USP42: variants seen among roughly 807,000 people sequenced by gnomAD.
USP42 encodes ubiquitin carboxyl-terminal hydrolase 42.
USP42 carries 23 observed loss-of-function variants against 113.0 expected under a neutral mutation model. That is an observed-to-expected ratio of 0.20 (90% CI 0.15 to 0.29). The LOEUF is 0.29. Ranked by LOEUF, USP42 falls within the 10% of genes least tolerant of loss-of-function variation. USP42 has a pLI of 1.00. For synonymous variants in USP42, 933 were observed against 699.0 expected (o/e 1.33, Z -5.28); for missense variants, 2,174 against 1,779.8 (o/e 1.22, Z -3.99).
the USP42 span, among the ~76,000 whole-genome samples, chr7:6,099,166 A>C: frequency 6.9e-6 from 1 of 144,880 alleles, no homozygotes; most frequent in East Asian, 2.0e-4. Flanking sequence ...TGGCTTTCTC[A>C]CTTTATATTA....
rs565149228 is a variant in USP42, at chr7:6,122,431, A to G, written c.442+6908A>G. ...TTCCCAAGTAGCTGAGACTACAGAC[A>G]TGCACCACCATGCCTTTTGTTTTGT... On this transcript the variant is annotated intron_variant, in intron 3 of 17. Coordinates refer to ENST00000306177, the MANE Select transcript of USP42 (RefSeq NM_032172.3). Among the ~76,000 whole-genome samples the G allele has an allele frequency of 1.1e-4, 17 of 151,974 alleles. No homozygotes were observed. The South Asian group carries it at 2.1e-3, about 19-fold the overall frequency.
At chr7:6,146,987 G>T (rs1333455775) in intron 11 of USP42, among the ~76,000 whole-genome samples, 2 of 152,250 alleles carry the variant, frequency 1.3e-5, no homozygotes, top group Admixed American at 6.5e-5. Flanking sequence ...GCTCTGTCCT[G>T]TTGTGGCTGC....
upstream of USP42, among the ~76,000 whole-genome samples, chr7:6,104,694 C>T (rs1779154890): frequency 6.6e-6 from 1 of 152,214 alleles, no homozygotes; most frequent in African/African-American, 2.4e-5. Context: ...CCCAGCCAAT[C>T]AGCGCGCTCC....
rs1167895818 is a variant in USP42, at chr7:6,138,975, AAAGT to A, written c.554-111_554-108del. On this transcript the variant is annotated intron_variant, in intron 4 of 17. Transcript: ENST00000306177. ...GCTTATGTTAGTGCTATTTCCTCAT[AAAGT>A]AAGTATTTGGGAGTTTTCCAACCAA... 6 of 640,840 alleles carry A rather than the reference AAAGT, an allele frequency of 9.4e-6. No individual in the cohort carries two copies. In the African/African-American group the frequency reaches 1.1e-4, roughly 12 times the overall value. 39.7% of individuals were successfully genotyped at this position (640,840 alleles called of 1,614,324 possible).
Position 6,139,488 on chromosome 7 carries a change from A to C in USP42, c.656+294A>C. 1 of 261,570 alleles carries C rather than the reference A, an allele frequency of 3.8e-6. No individual in the cohort carries two copies. Among genetic ancestry groups the C allele is most frequent in the Non-Finnish European group, 7.2e-6 (1 of 138,990 alleles). The allele number at this position is 261,570 out of a possible 1,614,324, so 16.2% of individuals were successfully genotyped here. A position where few individuals can be genotyped will look rare whatever the true frequency, so the allele number is the denominator to read the frequency against. On this transcript the variant is annotated intron_variant, in intron 5 of 17. Coordinates refer to ENST00000306177, the MANE Select transcript of USP42 (RefSeq NM_032172.3). The surrounding 1 kb of genome is among the most constrained non-coding windows in gnomAD (Gnocchi z 4.5). ...TATCAGCAGACGTCTGCAGATCTCA[A>C]ACTAGCTGCTTCTCCTTTCTAGTTG...
chr7:6,113,308 A>C (rs1462237528), intron 2 of USP42, among the ~76,000 whole-genome samples: 1 of 152,132 alleles, frequency 6.6e-6, no homozygotes, highest in African/African-American at 2.4e-5. Flanking sequence ...AATGTTGCAC[A>C]TGGAGGTGGA....
At chr7:6,096,911 TTTTC>T in the USP42 span, among the ~76,000 whole-genome samples, 24 of 140,128 alleles carry the variant, frequency 1.7e-4, 1 homozygote, top group Admixed American at 2.9e-4. Flanking sequence ...GATGCCATCA[TTTTC>T]TTTCTTTCTT....
intron 2 of USP42, among the ~76,000 whole-genome samples, chr7:6,111,642 ACC>A (rs1307970807): frequency 1.4e-5 from 2 of 144,590 alleles, no homozygotes; most frequent in East Asian, 4.0e-4. Flanking sequence ...TCGCTCTGTC[ACC>A]CAGGCTGGAG....
intron 3 of USP42, among the ~76,000 whole-genome samples, chr7:6,119,741 G>T (rs1206776987): frequency 2.0e-5 from 3 of 151,514 alleles, no homozygotes; most frequent in South Asian, 4.2e-4. Flanking sequence ...TTGCTCTGTT[G>T]CCCAGGCTAG....
intron 3 of USP42, among the ~76,000 whole-genome samples, chr7:6,135,573 C>A (rs1445829918): frequency 1.4e-5 from 2 of 147,572 alleles, no homozygotes; most frequent in African/African-American, 5.0e-5. Context: ...ATGGCTTGGA[C>A]CCGGGGAGGC....
chr7:6,129,820 C>A (rs1174259947), intron 3 of USP42, among the ~76,000 whole-genome samples: 1 of 145,836 alleles, frequency 6.9e-6, no homozygotes, highest in Non-Finnish European at 1.5e-5. Context: ...AAGATCATGC[C>A]ATTGTACTCC....
intron 11 of USP42, 134 bp downstream of exon 11, chr7:6,146,382 G>T (rs1245694096): frequency 1.5e-6 from 1 of 646,056 alleles, no homozygotes; most frequent in East Asian, 2.9e-5. Context: ...ACTCTAGCCT[G>T]GGCATGGTGC....
chr7:6,122,785 A>G (rs1484289681), intron 3 of USP42, among the ~76,000 whole-genome samples: 1 of 150,490 alleles, frequency 6.6e-6, no homozygotes, highest in African/African-American at 2.4e-5. Flanking sequence ...TTTTTTTTAA[A>G]TAGAGATAGG....
Position 6,161,395 on chromosome 7 carries a change from G to T in USP42, c.*877G>T, listed in dbSNP as rs761607977. On this transcript the variant is annotated 3_prime_UTR_variant, in exon 18 of 18. Coordinates refer to ENST00000306177, the MANE Select transcript of USP42 (RefSeq NM_032172.3). ...ATCAGGAGATGGAGTGGGGAAAACT[G>T]TATTTAATACAGTTTGTATCTGAAT... 2.6e-5 allele frequency: 4 copies of T among 152,470 alleles called. No homozygotes were observed. Among genetic ancestry groups the T allele is most frequent in the Non-Finnish European group, 5.9e-5 (4 of 68,012 alleles). The allele number at this position is 152,470 out of a possible 1,614,324, so 9.4% of individuals were successfully genotyped here. A position where few individuals can be genotyped will look rare whatever the true frequency, so the allele number is the denominator to read the frequency against.
chr7:6,108,686 G>C (rs1469388342), intron 1 of USP42, among the ~76,000 whole-genome samples: 2 of 152,016 alleles, frequency 1.3e-5, no homozygotes, highest in Non-Finnish European at 2.9e-5. Context: ...TCACCATGTT[G>C]GTCAGGATGG....
chr7:6,097,501 G>C, the USP42 span, among the ~76,000 whole-genome samples: 18 of 148,786 alleles, frequency 1.2e-4, no homozygotes, highest in Admixed American at 3.4e-4. Flanking sequence ...CCAATTCCTG[G>C]CCTCAAGTGA....
chr7:6,093,334 G>A, the USP42 span, among the ~76,000 whole-genome samples: 1 of 148,462 alleles, frequency 6.7e-6, no homozygotes, highest in Non-Finnish European at 1.5e-5. Flanking sequence ...TGCCCAGGCT[G>A]GAGTGCAGTG....
chr7:6,109,902 T>C (rs960175302), intron 1 of USP42, among the ~76,000 whole-genome samples: 11 of 151,324 alleles, frequency 7.3e-5, no homozygotes, highest in Admixed American at 5.9e-4. Context: ...GGTTTCACTA[T>C]GTTGGCCAGA....
rs779819185 is a variant in USP42 at position 6,153,931 on chromosome 7, G to C, written c.2377G>C (p.Ala793Pro). ...TPATKEGAWE[A>P]MAVAPEEPPP... ...CGCTACCAAAGAAGGCGCCTGGGAG[G>C]CCATGGCCGTCGCCCCCGAGGAGCC... is the stretch of plus-strand genomic sequence containing the variant. Residue 793 changes from alanine (A) to proline (P), a missense_variant, in exon 15 of 18, where the codon GCC (alanine) becomes CCC (proline). Physicochemically the swap from Ala to Pro is conservative, Grantham distance 27 (BLOSUM62 -1). Transcript: ENST00000306177. 175 of 1,599,976 alleles carry C rather than the reference G, an allele frequency of 1.1e-4. 2 individuals are homozygous for C. The South Asian group carries it at 1.8e-3, about 17-fold the overall frequency.
Sources: allele counts gnomAD v4.1 joint callset (sites outside exome capture counted in the v4.1 genomes callset), GRCh38; gene constraint gnomAD v4.1.1; non-coding constraint Gnocchi (gnomAD v3.1); transcripts MANE v1.5; gene names NCBI Gene and HGNC (gene_info 2026-07-23, HGNC 2026-07-21).